MFN1: variants seen among roughly 807,000 people sequenced by gnomAD.
MFN1 encodes mitofusin 1, also known as mitofusin-1.
In MFN1, 65 loss-of-function variants were observed where a neutral mutation model predicts 92.4. The observed-to-expected ratio is 0.70, with a 90% CI of 0.58 to 0.86. The LOEUF (loss-of-function observed/expected upper bound fraction) is 0.86. MFN1 is among the 40% of genes least tolerant of loss of function. MFN1 has a pLI of 0.00. For synonymous variants in MFN1, 297 were observed against 300.9 expected, an observed-to-expected ratio of 0.99 and a Z score of 0.13; for missense variants, 781 against 868.0, an observed-to-expected ratio of 0.90 and a Z score of 1.26.
At chr3:179,385,148 C>G (rs1303920680) in intron 14 of MFN1, among the ~76,000 whole-genome samples, 6 of 150,934 alleles carry the variant, frequency 4.0e-5, no homozygotes, top group Non-Finnish European at 8.9e-5. Flanking sequence ...CTCCTGACCT[C>G]GAGATCCATC....
chr3:179,385,157 T>C (rs1349745295), intron 14 of MFN1, among the ~76,000 whole-genome samples: 2 of 150,908 alleles, frequency 1.3e-5, no homozygotes, highest in Admixed American at 1.3e-4. Flanking sequence ...TCGAGATCCA[T>C]CCACCTCGGC....
intron 2 of MFN1, among the ~76,000 whole-genome samples, chr3:179,349,717 C>T (rs1560188102): frequency 6.6e-6 from 1 of 151,388 alleles, no homozygotes; most frequent in South Asian, 2.1e-4. Context: ...ACCATATTGG[C>T]CAGGCTGGTC....
intron 14 of MFN1, 92 bp from the exon 15 acceptor site, chr3:179,385,475 TCA>T: frequency 1.9e-6 from 2 of 1,072,088 alleles, no homozygotes; most frequent in Non-Finnish European, 1.3e-6. Flanking sequence ...AATTTTTCCC[TCA>T]TAGATGTGCT....
chr3:179,356,738 G>A (rs888492066), intron 3 of MFN1, among the ~76,000 whole-genome samples: 27 of 152,054 alleles, frequency 1.8e-4, no homozygotes, highest in Admixed American at 3.3e-4. Context: ...GATTCTTTAG[G>A]TTCACAGTTC....
intron 16 of MFN1, among the ~76,000 whole-genome samples, chr3:179,388,664 A>T (rs1478340505): frequency 6.6e-6 from 1 of 152,224 alleles, no homozygotes; most frequent in Admixed American, 6.5e-5. Context: ...ATCATAAGGC[A>T]AGGCTGTACA....
At position 179,360,518 on chromosome 3, in the gene MFN1, A is replaced by G. The variant is rs1712533101; in HGVS notation, c.411+1516A>G. On this transcript the variant is annotated intron_variant, in intron 4 of 17. Transcript: ENST00000471841. The stretch of plus-strand genomic sequence containing the variant: ...CCAATGGCAATTCCCTACCTTTCAT[A>G]AATTTCTCAATTCAGTGCCACTCCT... Among the ~76,000 whole-genome samples, 3 of 151,244 alleles carry G rather than the reference A, an allele frequency of 2.0e-5. No homozygotes were observed. The South Asian group carries it at 6.3e-4, about 32-fold the overall frequency.
chr3:179,357,004 T>C (rs755092120), intron 3 of MFN1, among the ~76,000 whole-genome samples: 2 of 151,930 alleles, frequency 1.3e-5, no homozygotes, highest in Non-Finnish European at 2.9e-5. Flanking sequence ...AGTGTAGAGG[T>C]CGTTGATTGG....
chr3:179,354,731 A>T (rs986382940), intron 3 of MFN1, among the ~76,000 whole-genome samples: 2 of 152,196 alleles, frequency 1.3e-5, no homozygotes, highest in African/African-American at 2.4e-5. Context: ...AGGGTGGATT[A>T]TTCATGAGTT....
chr3:179,366,561 T>C (rs1439853740), intron 7 of MFN1, among the ~76,000 whole-genome samples: 16 of 152,174 alleles, frequency 1.1e-4, no homozygotes, highest in Admixed American at 7.9e-4. Context: ...AACTATCCCA[T>C]CACTGTTCAC....
At chr3:179,383,332 T>A (rs1418881286) in intron 14 of MFN1, among the ~76,000 whole-genome samples, 49 of 152,236 alleles carry the variant, frequency 3.2e-4, no homozygotes, top group Admixed American at 3.2e-3. Context: ...GGGAATCCTT[T>A]CCCCATTTCT....
At chr3:179,388,923 A>G (rs1237888670) in intron 16 of MFN1, among the ~76,000 whole-genome samples, 11 of 152,188 alleles carry the variant, frequency 7.2e-5, no homozygotes, top group Admixed American at 7.2e-4. Context: ...CCTTGTCTGT[A>G]TGTGTAGATT....
chr3:179,374,107 G>A (rs1199621647), intron 9 of MFN1, among the ~76,000 whole-genome samples: 3 of 151,350 alleles, frequency 2.0e-5, no homozygotes, highest in Non-Finnish European at 2.9e-5. Flanking sequence ...GTTGAAGACC[G>A]GCCTGGCCAA....
In MFN1 at chr3:179,364,412, T is replaced by A. The variant is rs1712703479; in HGVS notation, c.645+7T>A. 6.4e-7 allele frequency: 1 copy of A among 1,564,194 alleles called. No homozygotes were observed. On this transcript the variant is annotated splice_region_variant and intron_variant, in intron 6 of 17. Coordinates refer to ENST00000471841, the MANE Select transcript of MFN1 (RefSeq NM_033540.3). ...ATCAACACTAATGAATACGGTAGGA[T>A]TTAATCATATTATTGTGTTTCGATG...
intron 17 of MFN1, among the ~76,000 whole-genome samples, chr3:179,390,390 G>C (rs1188042638): frequency 3.3e-5 from 5 of 152,118 alleles, no homozygotes; most frequent in Non-Finnish European, 5.9e-5. Context: ...TGAATTGAAA[G>C]GGACTTTATA....
At chr3:179,388,778 A>G (rs929510321) in intron 16 of MFN1, among the ~76,000 whole-genome samples, 11 of 152,228 alleles carry the variant, frequency 7.2e-5, no homozygotes, top group African/African-American at 2.2e-4. Context: ...AGATGGAGAC[A>G]ACAACCCAAA....
chr3:179,379,803 T>G (rs562997807), intron 14 of MFN1, among the ~76,000 whole-genome samples: 53 of 152,320 alleles, frequency 3.5e-4, no homozygotes, highest in African/African-American at 1.2e-3. Flanking sequence ...TACAGAAGAA[T>G]GATGTTGGAA....
intron 9 of MFN1, among the ~76,000 whole-genome samples, chr3:179,370,992 C>A (rs1713001058): frequency 6.6e-6 from 1 of 152,166 alleles, no homozygotes; most frequent in Admixed American, 6.5e-5. Context: ...GGCTTTTACA[C>A]ACATTTTCTC....
At chr3:179,385,886 T>C (rs367577391) in intron 15 of MFN1, among the ~76,000 whole-genome samples, 165 bp downstream of exon 15, 4 of 152,220 alleles carry the variant, frequency 2.6e-5, no homozygotes, top group African/African-American at 7.2e-5. Flanking sequence ...ACAAGTTTCA[T>C]CTTAAATTTT....
chr3:179,391,909 A>G, intron 17 of MFN1, 72 bp from the exon 18 acceptor site: 3 of 937,304 alleles, frequency 3.2e-6, no homozygotes, highest in Non-Finnish European at 5.1e-6. Context: ...TTTGTCTTTT[A>G]ATAATGGATG....
Sources: allele counts gnomAD v4.1 joint callset (sites outside exome capture counted in the v4.1 genomes callset), GRCh38; gene constraint gnomAD v4.1.1; transcripts MANE v1.5; gene names NCBI Gene and HGNC (gene_info 2026-07-23, HGNC 2026-07-21).